NLN: variants seen among roughly 807,000 people sequenced by gnomAD.
The protein encoded by NLN is neurolysin.
In NLN, 64 loss-of-function variants were observed where a neutral mutation model predicts 79.9. That is an observed-to-expected ratio of 0.80 (90% confidence interval 0.65 to 0.99). NLN has a LOEUF of 0.99. Among genes scored for constraint, NLN ranks in the 50% least tolerant of loss-of-function variants. The pLI is 0.00. For missense variants in NLN, 835 were observed against 858.7 expected, an observed-to-expected ratio of 0.97 and a Z score of 0.34; for synonymous variants, 267 against 296.6, an observed-to-expected ratio of 0.90 and a Z score of 1.02.
At chr5:65,818,556 AC>A (rs1760723822) in intron 12 of NLN, among the ~76,000 whole-genome samples, 2 of 152,156 alleles carry the variant, frequency 1.3e-5, no homozygotes, top group East Asian at 3.9e-4. Context: ...CTCAGTCAGC[AC>A]CAGTTTTTTT....
At chr5:65,755,111 C>G (rs961077290) in intron 1 of NLN, among the ~76,000 whole-genome samples, 1 of 152,084 alleles carries the variant, frequency 6.6e-6, no homozygotes, top group Non-Finnish European at 1.5e-5. Context: ...GTTTTTCTGT[C>G]TAAAACATTG....
chr5:65,774,185 G>A (rs1759631468), intron 3 of NLN, among the ~76,000 whole-genome samples: 1 of 151,724 alleles, frequency 6.6e-6, no homozygotes, highest in Non-Finnish European at 1.5e-5. Context: ...GACAGGGAGA[G>A]AGAATACACA....
At chr5:65,819,851 T>C (rs1048110060) in intron 12 of NLN, among the ~76,000 whole-genome samples, 1 of 152,178 alleles carries the variant, frequency 6.6e-6, no homozygotes, top group East Asian at 1.9e-4. Context: ...TATTTTTTTT[T>C]CCCTAAGAAA....
intron 12 of NLN, among the ~76,000 whole-genome samples, chr5:65,813,129 G>GT (rs1454276288): frequency 1.3e-5 from 2 of 152,102 alleles, no homozygotes; most frequent in Admixed American, 6.5e-5. Context: ...TTCTCCAAAT[G>GT]TTTTTTCTAG....
chr5:65,761,560 G>A (rs1043506689), intron 2 of NLN, among the ~76,000 whole-genome samples: 1 of 152,032 alleles, frequency 6.6e-6, no homozygotes, highest in Non-Finnish European at 1.5e-5. Context: ...CCAGAATGCT[G>A]GGATTATGAG....
chr5:65,806,895 G>A (rs752166760), intron 9 of NLN, among the ~76,000 whole-genome samples: 10 of 152,090 alleles, frequency 6.6e-5, no homozygotes, highest in Non-Finnish European at 8.8e-5. Flanking sequence ...AAGAAATAGC[G>A]GCTGGCTGCG....
At chr5:65,753,505 T>G (rs1021996644) in intron 1 of NLN, among the ~76,000 whole-genome samples, 5 of 151,876 alleles carry the variant, frequency 3.3e-5, no homozygotes, top group African/African-American at 1.2e-4. Flanking sequence ...AGAAAACTAG[T>G]CAGGCATGGT....
chr5:65,776,208 C>T (rs1034744335), intron 3 of NLN, among the ~76,000 whole-genome samples: 8 of 152,154 alleles, frequency 5.3e-5, no homozygotes, highest in Admixed American at 2.6e-4. Context: ...AGCTGATAAT[C>T]GCACCACTGC....
intron 11 of NLN, among the ~76,000 whole-genome samples, chr5:65,810,797 T>A (rs538983967): frequency 6.6e-6 from 1 of 152,076 alleles, no homozygotes; most frequent in Admixed American, 6.5e-5. Context: ...CTAGGCAACA[T>A]GGCAAAACCC....
At chr5:65,741,024 T>G (rs1245317833) in intron 1 of NLN, 1 of 153,322 alleles carries the variant, frequency 6.5e-6, no homozygotes, top group African/African-American at 2.4e-5. Flanking sequence ...ATTACAGGTG[T>G]ACACCAGCAC....
At chr5:65,740,293 G>A (rs1375298537) in intron 1 of NLN, among the ~76,000 whole-genome samples, 1 of 151,994 alleles carries the variant, frequency 6.6e-6, no homozygotes, top group Non-Finnish European at 1.5e-5. Context: ...GAGGCACACT[G>A]AGAACAAAAC....
Position 65,763,219 on chromosome 5 carries a change from G to A in NLN, c.450+111G>A, listed in dbSNP as rs1579931545. 5 of 919,418 alleles carry A rather than the reference G, an allele frequency of 5.4e-6. No individual in the cohort carries two copies. The South Asian group carries it at 8.3e-5, about 15-fold the overall frequency. 57.0% of individuals were successfully genotyped at this position (919,418 alleles called of 1,614,324 possible). A position where few individuals can be genotyped will look rare whatever the true frequency, so the allele number is the denominator to read the frequency against. On this transcript the variant is annotated intron_variant, in intron 3 of 12. Coordinates refer to ENST00000380985, the MANE Select transcript of NLN (RefSeq NM_020726.5). ...GATTTTCTTAGCTTTTGTTTCGAAT[G>A]ATTATAAAACCATAATGGGCATTAT...
rs368205249 is a variant in NLN, at chr5:65,788,498, C to T, written c.1325+14C>T. The stretch of plus-strand genomic sequence containing the variant: ...CCTCTATCCAAGGTACTGAGGATCA[C>T]GTTGTTGGAAGGGACCTTAGGGATT... On this transcript the variant is annotated intron_variant, in intron 8 of 12. Transcript: ENST00000380985. The T allele has an allele frequency of 3.4e-5, 54 of 1,605,554 alleles. No homozygotes were observed. The highest frequency in any genetic ancestry group is 2.5e-4 in the African/African-American group (19 of 74,730).
In NLN at chr5:65,810,029, G is replaced by A; in HGVS notation, c.1715-8G>A. ...TCAAAACATGCCCAAACATTCTTAT[G>A]TTATTAGGTCTTCTGACCCTGCGCC... On this transcript the variant is annotated splice_region_variant and splice_polypyrimidine_tract_variant and intron_variant, in intron 10 of 12. Transcript: ENST00000380985. The A allele has an allele frequency of 1.9e-6, 3 of 1,613,280 alleles. No individual in the cohort carries two copies. The highest frequency in any genetic ancestry group is 2.5e-6 in the Non-Finnish European group (3 of 1,179,694).
At chr5:65,760,319 C>A (rs879586339) in intron 2 of NLN, among the ~76,000 whole-genome samples, 1 of 152,160 alleles carries the variant, frequency 6.6e-6, no homozygotes, top group Non-Finnish European at 1.5e-5. Context: ...TCTTATTACA[C>A]GTCTTGAATT....
intron 9 of NLN, among the ~76,000 whole-genome samples, chr5:65,801,427 T>C (rs192280739): frequency 1.3e-5 from 2 of 152,348 alleles, no homozygotes; most frequent in East Asian, 1.9e-4. Flanking sequence ...ATGGTTTCTG[T>C]GTGGACATAC....
rs558044863 is a variant in NLN at position 65,730,684 on chromosome 5, G to A, written c.41+8270G>A. ...CAATTCTCCCACCTCAGCCTCCTGA[G>A]TAGCTGGGATTACAGGCACCCGCCA... On this transcript the variant is annotated intron_variant, in intron 1 of 12. Transcript: ENST00000380985. Among the ~76,000 whole-genome samples the A allele has an allele frequency of 1.6e-3, 249 of 152,144 alleles. 1 individual carries two copies. Among genetic ancestry groups the A allele is most frequent in the African/African-American group, 5.8e-3 (241 of 41,530 alleles).
At chr5:65,728,268 T>C (rs1758522701) in intron 1 of NLN, among the ~76,000 whole-genome samples, 2 of 152,140 alleles carry the variant, frequency 1.3e-5, no homozygotes, top group Admixed American at 1.3e-4. Context: ...TATTCTTTTA[T>C]AATTTTTAAT....
rs150568682 is a variant in NLN at position 65,730,646 on chromosome 5, T to C, written c.41+8232T>C. On this transcript the variant is annotated intron_variant, in intron 1 of 12. Transcript: ENST00000380985. ...ATCTCAGCTCACTGCAACCTCCTCC[T>C]CCTGGGTTCAAGCAATTCTCCCACC... 4.8e-3 allele frequency among the ~76,000 whole-genome samples: 729 copies of C among 151,936 alleles called. 5 individuals are homozygous for C. Among genetic ancestry groups the C allele is most frequent in the African/African-American group, 0.017 (688 of 41,470 alleles).
Sources: gnomAD v4.1 joint callset for allele counts (sites outside exome capture counted in the v4.1 genomes callset) on GRCh38, gnomAD v4.1.1 for gene constraint, MANE v1.5 for transcripts, NCBI Gene and HGNC (gene_info 2026-07-23, HGNC 2026-07-21) for gene names.